CTPS2: variants seen among roughly 807,000 people sequenced by gnomAD.
CTPS2 encodes CTP synthase II.
CTPS2 carries 19 observed loss-of-function variants against 46.8 expected under a neutral mutation model. That is an observed-to-expected ratio of 0.41 (90% CI 0.28 to 0.60). The LOEUF (loss-of-function observed/expected upper bound fraction) is 0.60. CTPS2 is among the 20% of genes least tolerant of loss of function. The pLI, the probability that CTPS2 is intolerant of heterozygous loss-of-function variation, is 0.35. For synonymous variants in CTPS2, 151 were observed against 165.2 expected, an observed-to-expected ratio of 0.91 and a Z score of 0.66; for missense variants, 286 against 447.6, an observed-to-expected ratio of 0.64 and a Z score of 3.26.
At chrX:16,698,619 C>T (rs972394963) in intron 3 of CTPS2, among the ~76,000 whole-genome samples, 4 of 110,608 alleles carry the variant, frequency 3.6e-5, no homozygotes, top group Non-Finnish European at 7.6e-5. Flanking sequence ...GGCACGATCT[C>T]GGCTCACTGC....
At chrX:16,687,474 C>CAAAAAAAAAAAAA (rs35798035) in intron 8 of CTPS2, among the ~76,000 whole-genome samples, 1 of 44,421 alleles carries the variant, frequency 2.3e-5, no homozygotes, top group Non-Finnish European at 4.1e-5. Flanking sequence ...CACCCTGTGT[C>CAAAAAAAAAAAAA]AAAAAAAAAA....
intron 17 of CTPS2, among the ~76,000 whole-genome samples, chrX:16,602,476 T>C (rs959298792): frequency 9.0e-6 from 1 of 111,047 alleles, no homozygotes; most frequent in Non-Finnish European, 1.9e-5. Flanking sequence ...ACCTGATGAG[T>C]CCCCAGGTCA....
At chrX:16,624,297 C>A (rs1931012400) in intron 14 of CTPS2, among the ~76,000 whole-genome samples, 1 of 111,808 alleles carries the variant, frequency 8.9e-6, no homozygotes, top group African/African-American at 3.2e-5. Flanking sequence ...CATTGCTATA[C>A]CTGTGAAAAA....
intron 16 of CTPS2, among the ~76,000 whole-genome samples, chrX:16,614,738 C>A (rs371423863): frequency 2.8e-5 from 3 of 106,901 alleles, no homozygotes; most frequent in Non-Finnish European, 1.9e-5. Flanking sequence ...AAAACCCTGC[C>A]GCTACAAAAA....
At chrX:16,600,420 G>A (rs771190462) in intron 17 of CTPS2, among the ~76,000 whole-genome samples, 15 of 111,828 alleles carry the variant, frequency 1.3e-4, no homozygotes, top group Non-Finnish European at 2.1e-4. Context: ...CCCCAAAGCA[G>A]TATTACTACT....
At chrX:16,591,850 C>G (rs759511910) in intron 17 of CTPS2, among the ~76,000 whole-genome samples, 2 of 110,901 alleles carry the variant, frequency 1.8e-5, no homozygotes, top group Non-Finnish European at 3.8e-5. Context: ...TCTGAAGACA[C>G]AGGATCCCAG....
chrX:16,613,825 A>G (rs112761642), intron 16 of CTPS2, among the ~76,000 whole-genome samples: 1,438 of 111,542 alleles, frequency 0.013, 19 homozygotes, highest in African/African-American at 0.044. Context: ...TTCTGGCTTC[A>G]AGTGATCTTC....
intron 9 of CTPS2, among the ~76,000 whole-genome samples, chrX:16,680,554 C>CAA (rs763759349): frequency 2.9e-5 from 1 of 34,907 alleles, no homozygotes; most frequent in African/African-American, 1.1e-4. Context: ...GACCCTGTCT[C>CAA]AAAAAAAAAA....
At chrX:16,676,644 G>T (rs1460033642) in intron 10 of CTPS2, among the ~76,000 whole-genome samples, 1 of 111,959 alleles carries the variant, frequency 8.9e-6, no homozygotes, top group Non-Finnish European at 1.9e-5. Flanking sequence ...AAGAACTATG[G>T]TCTAACTGTT....
intron 6 of CTPS2, among the ~76,000 whole-genome samples, chrX:16,691,937 G>A (rs758293901): frequency 8.9e-6 from 1 of 111,947 alleles, no homozygotes; most frequent in Non-Finnish European, 1.9e-5. Flanking sequence ...AAATATTTTA[G>A]GTTTGCAGGT....
chrX:16,601,579 G>C (rs527965145), intron 17 of CTPS2, among the ~76,000 whole-genome samples: 1,477 of 105,652 alleles, frequency 0.014, 23 homozygotes, highest in South Asian at 0.038. Context: ...CATCGGGGGG[G>C]GGGGGGTTTA....
intron 16 of CTPS2, among the ~76,000 whole-genome samples, chrX:16,616,755 C>T (rs946495542): frequency 3.8e-4 from 42 of 111,783 alleles, no homozygotes; most frequent in African/African-American, 1.3e-3. Flanking sequence ...AGTGCAGTGA[C>T]GCGATCTCGG....
At chrX:16,633,881 G>A (rs1249748702) in intron 14 of CTPS2, among the ~76,000 whole-genome samples, 1 of 111,746 alleles carries the variant, frequency 8.9e-6, no homozygotes, top group Non-Finnish European at 1.9e-5. Flanking sequence ...TCATAAAAGT[G>A]TTCATACCCT....
intron 17 of CTPS2, among the ~76,000 whole-genome samples, chrX:16,600,179 G>C (rs1294304919): frequency 9.0e-6 from 1 of 111,611 alleles, no homozygotes; most frequent in Non-Finnish European, 1.9e-5. Flanking sequence ...ATATTCCAAG[G>C]TGCTAGGGAA....
At chrX:16,710,069 G>A (rs895807846) in intron 1 of CTPS2, among the ~76,000 whole-genome samples, 2 of 109,232 alleles carry the variant, frequency 1.8e-5, no homozygotes, top group Non-Finnish European at 3.8e-5. Flanking sequence ...ATAGAAACTA[G>A]AACCCTTTTC....
chrX:16,609,916 G>A (rs1250860423), intron 16 of CTPS2, among the ~76,000 whole-genome samples: 1 of 112,133 alleles, frequency 8.9e-6, no homozygotes, highest in Non-Finnish European at 1.9e-5. Context: ...GCAAAGTCAA[G>A]CAAAAATTTT....
chrX:16,711,068 A>C (rs1046638891), intron 1 of CTPS2, among the ~76,000 whole-genome samples: 11 of 112,260 alleles, frequency 9.8e-5, no homozygotes, highest in Non-Finnish European at 7.5e-5. Context: ...GAGCAGAACC[A>C]AGTGTTTATA....
chrX:16,595,310 T>A (rs1037908687), intron 17 of CTPS2, among the ~76,000 whole-genome samples: 3 of 111,571 alleles, frequency 2.7e-5, no homozygotes, highest in Non-Finnish European at 5.6e-5. Flanking sequence ...AGGAAATTTT[T>A]AATTAATTTA....
intron 13 of CTPS2, among the ~76,000 whole-genome samples, chrX:16,656,655 C>A (rs996924254): frequency 3.6e-5 from 4 of 111,760 alleles, no homozygotes; most frequent in Non-Finnish European, 7.5e-5. Flanking sequence ...ACCTTGTGAT[C>A]CGCTCGTCTC....
Sources: allele counts gnomAD v4.1 joint callset (sites outside exome capture counted in the v4.1 genomes callset), GRCh38; gene constraint gnomAD v4.1.1; transcripts MANE v1.5; gene names NCBI Gene and HGNC (gene_info 2026-07-23, HGNC 2026-07-21).